The following GPM6B variants were observed in gnomAD, a reference collection of about 807,000 sequenced individuals.
GPM6B encodes the protein glycoprotein M6B.
Under a neutral mutation model 27.2 loss-of-function variants are expected in GPM6B, and 4 were observed. The observed-to-expected ratio is 0.15, with a 90% confidence interval of 0.07 to 0.34. The LOEUF (loss-of-function observed/expected upper bound fraction) is 0.34, where lower values mean the gene tolerates loss of function less well. Ranked by LOEUF, GPM6B falls within the 10% of genes least tolerant of loss-of-function variation. GPM6B has a pLI of 1.00. For missense variants in GPM6B, 183 were observed against 261.9 expected, an observed-to-expected ratio of 0.70 and a Z score of 2.08; for synonymous variants, 124 against 103.1, an observed-to-expected ratio of 1.20 and a Z score of -1.23.
At chrX:13,842,351 C>A (rs1318165128) in intron 1 of GPM6B, among the ~76,000 whole-genome samples, 1 of 112,095 alleles carries the variant, frequency 8.9e-6, no homozygotes, top group East Asian at 2.8e-4. Context: ...AACATCACTT[C>A]ATTGCCAGGG....
intron 1 of GPM6B, among the ~76,000 whole-genome samples, chrX:13,875,291 G>A (rs1211515154): frequency 1.8e-5 from 2 of 111,194 alleles, no homozygotes; most frequent in African/African-American, 6.6e-5. Flanking sequence ...GTTTCTCCAG[G>A]CAGAGCTGAA....
At chrX:13,809,999 T>C in intron 1 of GPM6B, among the ~76,000 whole-genome samples, 1 of 105,135 alleles carries the variant, frequency 9.5e-6, no homozygotes, top group East Asian at 3.0e-4. Context: ...ACGCCTATAG[T>C]CCCAGCTACT....
chrX:13,778,347 C>T (rs994381329), intron 5 of GPM6B, among the ~76,000 whole-genome samples: 1 of 111,933 alleles, frequency 8.9e-6, no homozygotes, highest in East Asian at 2.8e-4. Flanking sequence ...CGTGCGTGGC[C>T]GGAAATTTTT....
intron 1 of GPM6B, among the ~76,000 whole-genome samples, chrX:13,810,521 T>C (rs113824628): frequency 0.025 from 2,754 of 111,378 alleles, 83 homozygotes; most frequent in African/African-American, 0.085. Context: ...CCCACCATGC[T>C]GACTTTTACC....
chrX:13,772,944 C>T lies in GPM6B; in HGVS notation c.924G>A (p.Lys308=). 8.3e-7 allele frequency: 1 copy of T among 1,209,121 alleles called. No homozygotes were observed. The part of the protein sequence containing the change: ...KMQAYQDIKA[K]EEQELQDIQS... ...GGATATCTTGCAGTTCCTGTTCTTCCTTTGCTTTGATATCCTGGTAAGCCT... is the reference window on the plus strand; with the variant it reads ...GGATATCTTGCAGTTCCTGTTCTTCTTTTGCTTTGATATCCTGGTAAGCCT... The change falls in exon 8 of 8, where the codon AAG becomes AAA. Residue 308 remains lysine, a synonymous_variant. Transcript: ENST00000316715.
intron 1 of GPM6B, among the ~76,000 whole-genome samples, chrX:13,901,945 T>C (rs888656731): frequency 3.6e-5 from 4 of 112,362 alleles, no homozygotes; most frequent in East Asian, 2.8e-4. Flanking sequence ...AAGTGTCACA[T>C]AGAAGCAAAA....
At chrX:13,788,192 A>T (rs1053225187) in intron 2 of GPM6B, among the ~76,000 whole-genome samples, 1 of 112,036 alleles carries the variant, frequency 8.9e-6, no homozygotes, top group Non-Finnish European at 1.9e-5. Flanking sequence ...GCTGGGTTCT[A>T]ACTGGGTTTT....
chrX:13,818,240 C>G (rs1284087230), upstream of GPM6B, among the ~76,000 whole-genome samples: 1 of 112,402 alleles, frequency 8.9e-6, no homozygotes, highest in Non-Finnish European at 1.9e-5. Flanking sequence ...AAGTCAAATA[C>G]AGGGATGACC....
At chrX:13,921,581 C>CCCCT (rs1555932309) in intron 1 of GPM6B, among the ~76,000 whole-genome samples, 1 of 92,823 alleles carries the variant, frequency 1.1e-5, no homozygotes, top group African/African-American at 4.0e-5. Flanking sequence ...AACCCCCCCC[C>CCCCT]TTTTTTTTTT....
Position 13,787,041 on chromosome X carries a change from C to CAAAAAAAAAAAAAAAA in GPM6B, c.182-1249_182-1234dup, listed in dbSNP as rs869123073. Among the ~76,000 whole-genome samples, 10 of 24,509 alleles carry CAAAAAAAAAAAAAAAA rather than the reference C, an allele frequency of 4.1e-4. 1 individual carries two copies. The highest frequency in any genetic ancestry group is 1.6e-3 in the African/African-American group (8 of 4,883). The allele number at this position is 24,509 out of a possible 115,157, so 21.3% of individuals were successfully genotyped here. ...CTTTAGGGCAAGCACATTAAGCCAG[C>CAAAAAAAAAAAAAAAA]AAAAAAAAAAAAAAAAAAAAAAAAA... is the stretch of plus-strand genomic sequence containing the variant. On this transcript the variant is annotated intron_variant, in intron 2 of 7. Transcript: ENST00000316715.
At chrX:13,926,424 A>C (rs1439850986) in intron 1 of GPM6B, among the ~76,000 whole-genome samples, 1 of 19,956 alleles carries the variant, frequency 5.0e-5, no homozygotes, top group Non-Finnish European at 1.4e-4. Flanking sequence ...AAACAAACAA[A>C]CAAAAAAAAA....
chrX:13,871,938 AG>A (rs1310818308), intron 1 of GPM6B, among the ~76,000 whole-genome samples: 1 of 111,840 alleles, frequency 8.9e-6, no homozygotes. Flanking sequence ...CTGTTCTTCC[AG>A]GTGTGGTGGT....
chrX:13,916,397 T>C (rs1054340620), intron 1 of GPM6B, among the ~76,000 whole-genome samples: 4 of 111,779 alleles, frequency 3.6e-5, no homozygotes, highest in African/African-American at 1.3e-4. Flanking sequence ...CCAATGGGGA[T>C]ACACAATGCA....
chrX:13,895,837 G>T (rs2147035846), intron 1 of GPM6B, among the ~76,000 whole-genome samples: 1 of 109,115 alleles, frequency 9.2e-6, no homozygotes, highest in South Asian at 4.1e-4. Context: ...TTAAAATTAG[G>T]GCTTTAGAAA....
chrX:13,850,206 G>A (rs1229527823), intron 1 of GPM6B, among the ~76,000 whole-genome samples: 1 of 112,303 alleles, frequency 8.9e-6, no homozygotes, highest in Non-Finnish European at 1.9e-5. Flanking sequence ...ATACATTAAT[G>A]TCCTCTCTGA....
intron 5 of GPM6B, among the ~76,000 whole-genome samples, chrX:13,778,036 T>C (rs1602970413): frequency 9.8e-6 from 1 of 101,628 alleles, no homozygotes; most frequent in African/African-American, 3.6e-5. Flanking sequence ...ATTTTTGGAC[T>C]GAAAATCAAA....
At chrX:13,874,661 G>C (rs905237672) in intron 1 of GPM6B, among the ~76,000 whole-genome samples, 1 of 111,586 alleles carries the variant, frequency 9.0e-6, no homozygotes, top group Non-Finnish European at 1.9e-5. Context: ...AGTGAGCTGA[G>C]ATCGTGCCAC....
At chrX:13,842,053 A>T (rs2049582920) in intron 1 of GPM6B, among the ~76,000 whole-genome samples, 1 of 112,157 alleles carries the variant, frequency 8.9e-6, no homozygotes, top group Admixed American at 9.5e-5. Flanking sequence ...ACAATATGAC[A>T]TTCTTTTTCT....
In GPM6B at chrX:13,843,601, C is replaced by T. The variant is rs2049607491; in HGVS notation, c.-197-57793G>A. On this transcript the variant is annotated intron_variant, in intron 1 of 6. Coordinates refer to the GPM6B transcript ENST00000398361. ...TTCAGTTTCTCCACATCCTCACCAA[C>T]ATGTATTTACTGTCTTTTGATTTCA... Among the ~76,000 whole-genome samples the T allele has an allele frequency of 3.6e-5, 4 of 112,437 alleles. No homozygotes were observed. The South Asian group carries it at 1.5e-3, about 41-fold the overall frequency.
Sources: gnomAD v4.1 joint callset for allele counts (sites outside exome capture counted in the v4.1 genomes callset) on GRCh38, gnomAD v4.1.1 for gene constraint, MANE v1.5 for transcripts, NCBI Gene and HGNC (gene_info 2026-07-23, HGNC 2026-07-21) for gene names.